The following PTPRD variants were observed in gnomAD, a reference collection of about 807,000 sequenced individuals.
The protein encoded by PTPRD is receptor-type tyrosine-protein phosphatase delta.
Under a neutral mutation model 214.5 loss-of-function variants are expected in PTPRD, and 34 were observed. The ratio of observed to expected loss-of-function variants is 0.16; its 90% CI spans 0.12 to 0.21. The LOEUF (loss-of-function observed/expected upper bound fraction) is 0.21, where lower values mean the gene tolerates loss of function less well. PTPRD is among the 10% of genes least tolerant of loss of function. PTPRD has a pLI of 1.00. For missense variants in PTPRD, 2,545 were observed against 2,398.7 expected, an observed-to-expected ratio of 1.06 and a Z score of -1.27; for synonymous variants, 1,128 against 845.7, an observed-to-expected ratio of 1.33 and a Z score of -5.79.
At chr9:9,514,481 G>C (rs767921781) in intron 8 of PTPRD, among the ~76,000 whole-genome samples, 2 of 152,046 alleles carry the variant, frequency 1.3e-5, no homozygotes, top group African/African-American at 2.4e-5. Context: ...TGTTCCTTAG[G>C]AAGTAGACAG....
chr9:9,471,718 G>C (rs1219914692), intron 8 of PTPRD, among the ~76,000 whole-genome samples: 1 of 152,020 alleles, frequency 6.6e-6, no homozygotes, highest in African/African-American at 2.4e-5. Context: ...ATGCATTTCA[G>C]TTACTTTATT....
intron 14 of PTPRD, among the ~76,000 whole-genome samples, chr9:8,607,811 T>C (rs1285301696): frequency 6.6e-6 from 1 of 152,212 alleles, no homozygotes. Context: ...ATATTTATTT[T>C]ATTACAGTTT....
At chr9:10,532,515 C>A (rs1429601968) in intron 2 of PTPRD, 1 of 149,554 alleles carries the variant, frequency 6.7e-6, no homozygotes, top group Non-Finnish European at 1.5e-5. Context: ...AGTGTCTGTG[C>A]ACCTTTTGTA....
chr9:10,313,329 G>C (rs933709405), intron 3 of PTPRD, among the ~76,000 whole-genome samples: 3 of 151,024 alleles, frequency 2.0e-5, no homozygotes. Flanking sequence ...AGAAAAGAGA[G>C]AGTATACAAA....
chr9:9,424,293 G>A (rs2079983177), intron 8 of PTPRD, among the ~76,000 whole-genome samples: 1 of 152,282 alleles, frequency 6.6e-6, no homozygotes, highest in South Asian at 2.1e-4. Context: ...TCTTATCTCA[G>A]AGTCTATTTC....
At chr9:10,362,885 A>G (rs1197638923) in intron 2 of PTPRD, among the ~76,000 whole-genome samples, 1 of 152,152 alleles carries the variant, frequency 6.6e-6, no homozygotes, top group Non-Finnish European at 1.5e-5. Flanking sequence ...ATCTCAAAAT[A>G]AATAAAAAAA....
At chr9:10,113,833 G>A (rs2098710153) in intron 3 of PTPRD, among the ~76,000 whole-genome samples, 1 of 152,190 alleles carries the variant, frequency 6.6e-6, no homozygotes, top group Non-Finnish European at 1.5e-5. Flanking sequence ...TTGTGCCAAT[G>A]CTGCTGATAC....
intron 4 of PTPRD, among the ~76,000 whole-genome samples, chr9:10,013,776 T>C (rs1162356069): frequency 6.6e-6 from 1 of 152,020 alleles, no homozygotes; most frequent in African/African-American, 2.4e-5. Flanking sequence ...TCAACTTTTA[T>C]GTTTTAAATT....
At chr9:8,450,376 C>T (rs1294558868) in intron 33 of PTPRD, among the ~76,000 whole-genome samples, 1 of 152,092 alleles carries the variant, frequency 6.6e-6, no homozygotes, top group Admixed American at 6.6e-5. Context: ...GCCAAGTTAT[C>T]CTAATGCCTA....
At chr9:8,941,521 C>T (rs12344877) in intron 11 of PTPRD, among the ~76,000 whole-genome samples, 7,760 of 152,194 alleles carry the variant, frequency 0.051, 652 homozygotes, top group African/African-American at 0.17. Flanking sequence ...GTAACTTAAC[C>T]TCACTTAATA....
At chr9:8,545,068 C>T (rs188291019) in intron 14 of PTPRD, among the ~76,000 whole-genome samples, 229 of 152,068 alleles carry the variant, frequency 1.5e-3, no homozygotes, top group African/African-American at 5.3e-3. Context: ...TTCTAGCACA[C>T]ACAATCGTAG....
intron 5 of PTPRD, among the ~76,000 whole-genome samples, chr9:9,807,759 T>A (rs572125795): frequency 6.6e-6 from 1 of 152,166 alleles, no homozygotes; most frequent in African/African-American, 2.4e-5. Context: ...TTTCAAATCC[T>A]GGAAAACATA....
At chr9:10,141,833 A>G (rs1486424476) in intron 3 of PTPRD, among the ~76,000 whole-genome samples, 3 of 152,090 alleles carry the variant, frequency 2.0e-5, no homozygotes, top group African/African-American at 4.8e-5. Context: ...GAGGCATCAC[A>G]CTACCTGACT....
At chr9:10,525,163 C>T (rs2134370575) in intron 2 of PTPRD, among the ~76,000 whole-genome samples, 1 of 151,836 alleles carries the variant, frequency 6.6e-6, no homozygotes, top group East Asian at 1.9e-4. Flanking sequence ...TATTTAATTT[C>T]CCAGGATTCT....
intron 10 of PTPRD, among the ~76,000 whole-genome samples, chr9:9,140,312 G>C (rs1041537109): frequency 2.0e-5 from 3 of 152,056 alleles, no homozygotes; most frequent in African/African-American, 7.2e-5. Context: ...ATTTTCTCCT[G>C]TATTGGCTAA....
chr9:10,577,214 C>A (rs770424437), intron 2 of PTPRD, among the ~76,000 whole-genome samples: 2 of 152,046 alleles, frequency 1.3e-5, no homozygotes. Flanking sequence ...AACTGATATA[C>A]CCATGCCAAA....
chr9:9,032,801 T>C (rs1590159623), intron 10 of PTPRD, among the ~76,000 whole-genome samples: 1 of 152,142 alleles, frequency 6.6e-6, no homozygotes, highest in East Asian at 1.9e-4. Context: ...ATAGAGCTTA[T>C]ATTAATGACT....
rs941831622 is a variant in PTPRD at position 9,317,796 on chromosome 9, T to C, written c.-203+79653A>G. On this transcript the variant is annotated intron_variant, in intron 9 of 45. Coordinates refer to ENST00000381196, the MANE Select transcript of PTPRD (RefSeq NM_002839.4). Reference sequence around the variant, plus strand: ...AAATGGACCTGATCAAAATTCATGATATTAATAATTTTTTTCATCCTGATA... The same window carrying C: ...AAATGGACCTGATCAAAATTCATGACATTAATAATTTTTTTCATCCTGATA... Among the ~76,000 whole-genome samples, 4 of 152,300 alleles carry C rather than the reference T, an allele frequency of 2.6e-5. 1 individual carries two copies. The South Asian group carries it at 6.2e-4, about 24-fold the overall frequency.
chr9:8,544,244 G>A (rs1008476587), intron 14 of PTPRD, among the ~76,000 whole-genome samples: 2 of 138,336 alleles, frequency 1.4e-5, no homozygotes, highest in African/African-American at 5.5e-5. Context: ...TTGGCTCACT[G>A]CAACTTCCAC....
Sources: gnomAD v4.1 joint callset for allele counts (sites outside exome capture counted in the v4.1 genomes callset) on GRCh38, gnomAD v4.1.1 for gene constraint, MANE v1.5 for transcripts, NCBI Gene and HGNC (gene_info 2026-07-23, HGNC 2026-07-21) for gene names.